NFAT5: variants seen among roughly 807,000 people sequenced by gnomAD.
NFAT5 encodes the protein nuclear factor of activated T cells 5.
In NFAT5, 31 loss-of-function variants were observed where a neutral mutation model predicts 166.5. That is an observed-to-expected ratio of 0.19 (90% CI 0.14 to 0.25). The LOEUF (loss-of-function observed/expected upper bound fraction) is 0.25. Among genes scored for constraint, NFAT5 ranks in the 10% least tolerant of loss-of-function variants. NFAT5 has a pLI of 1.00. For synonymous variants in NFAT5, 612 were observed against 639.7 expected, an observed-to-expected ratio of 0.96 and a Z score of 0.65; for missense variants, 1,449 against 1,821.8, an observed-to-expected ratio of 0.80 and a Z score of 3.72.
chr16:69,596,713 A>C (rs1048222132), intron 2 of NFAT5, among the ~76,000 whole-genome samples: 1 of 148,300 alleles, frequency 6.7e-6, no homozygotes, highest in Admixed American at 6.7e-5. Flanking sequence ...GCAAGACTCT[A>C]TCTTAAAAAA....
chr16:69,573,512 CTG>C (rs942670904), intron 2 of NFAT5, among the ~76,000 whole-genome samples: 4 of 152,172 alleles, frequency 2.6e-5, no homozygotes, highest in Non-Finnish European at 4.4e-5. Flanking sequence ...CTAATAATCT[CTG>C]TGGATCCATG....
At position 69,588,980 on chromosome 16, in the gene NFAT5, CTTTTTT is replaced by C. The variant is rs945918292; in HGVS notation, c.127+20458_127+20463del. ...GACCCTCCCTCCTCTTTTCCTACTT[CTTTTTT>C]TTTTTTTTTTTTTTTTTTTTTTTTT... On this transcript the variant is annotated intron_variant, in intron 2 of 14. Transcript: ENST00000349945. Among the ~76,000 whole-genome samples, 231 of 34,336 alleles carry C rather than the reference CTTTTTT, an allele frequency of 6.7e-3. 1 individual carries two copies. The highest frequency in any genetic ancestry group is 0.018 in the African/African-American group (211 of 11,552). The allele number at this position is 34,336 out of a possible 152,430, so 22.5% of individuals were successfully genotyped here.
At chr16:69,630,109 G>T (rs764610223) in intron 3 of NFAT5, among the ~76,000 whole-genome samples, 3 of 151,944 alleles carry the variant, frequency 2.0e-5, no homozygotes, top group African/African-American at 4.8e-5. Context: ...GCAAATTTTT[G>T]TATTTTTAGT....
intron 2 of NFAT5, among the ~76,000 whole-genome samples, chr16:69,586,708 T>C (rs2032091238): frequency 6.6e-6 from 1 of 152,160 alleles, no homozygotes; most frequent in Admixed American, 6.6e-5. Flanking sequence ...CGGCCTCGAC[T>C]GGAAAATTTT....
intron 2 of NFAT5, among the ~76,000 whole-genome samples, chr16:69,583,919 G>A (rs2031864112): frequency 6.6e-6 from 1 of 152,060 alleles, no homozygotes; most frequent in Admixed American, 6.6e-5. Flanking sequence ...CTGCAAATGG[G>A]GAACTAGGCC....
intron 11 of NFAT5, among the ~76,000 whole-genome samples, chr16:69,690,384 A>T: frequency 6.6e-6 from 1 of 152,140 alleles, no homozygotes; most frequent in Non-Finnish European, 1.5e-5. Flanking sequence ...AACTTGTCAT[A>T]TTCAAGTTTT....
At position 69,580,925 on chromosome 16, in the gene NFAT5, G is replaced by A. The variant is rs541210924; in HGVS notation, c.127+12377G>A. Among the ~76,000 whole-genome samples the A allele has an allele frequency of 2.0e-5, 3 of 152,294 alleles. No homozygotes were observed. In the South Asian group the frequency reaches 6.2e-4, roughly 32 times the overall value. On this transcript the variant is annotated intron_variant, in intron 2 of 14. Transcript: ENST00000349945. The stretch of plus-strand genomic sequence containing the variant: ...CCACCTCGGCCTCCCGGAGAGCTGG[G>A]ATTACAGGCGTGAGCTGCCGCACCC...
At chr16:69,662,693 C>T (rs2036204928) in intron 7 of NFAT5, among the ~76,000 whole-genome samples, 1 of 152,040 alleles carries the variant, frequency 6.6e-6, no homozygotes, top group South Asian at 2.1e-4. Flanking sequence ...ATCTCCTGAG[C>T]TCGTGATCTG....
At chr16:69,612,654 T>A (rs960408376) in intron 2 of NFAT5, among the ~76,000 whole-genome samples, 1 of 152,006 alleles carries the variant, frequency 6.6e-6, no homozygotes, top group African/African-American at 2.4e-5. Flanking sequence ...GAGACCAGAC[T>A]GGACAACAAA....
intron 14 of NFAT5, chr16:69,695,797 A>T (rs2151727530): frequency 6.1e-6 from 1 of 163,080 alleles, no homozygotes; most frequent in South Asian, 1.6e-4. Flanking sequence ...TCAAGTGGAA[A>T]ATTCCACACC....
chr16:69,613,141 C>A (rs1441214573), intron 2 of NFAT5, among the ~76,000 whole-genome samples: 1 of 151,884 alleles, frequency 6.6e-6, no homozygotes, highest in Admixed American at 6.6e-5. Flanking sequence ...TCCTTTTTTT[C>A]CCTCTCCCTT....
chr16:69,611,743 C>G (rs1224168481), intron 2 of NFAT5, among the ~76,000 whole-genome samples: 2 of 152,236 alleles, frequency 1.3e-5, no homozygotes, highest in African/African-American at 4.8e-5. Context: ...TCATGACTTA[C>G]TTCCTAAAAG....
chr16:69,601,335 C>A (rs1484107552), intron 2 of NFAT5, among the ~76,000 whole-genome samples: 1 of 152,094 alleles, frequency 6.6e-6, no homozygotes, highest in Non-Finnish European at 1.5e-5. Flanking sequence ...AATATAGATA[C>A]AATTTGTGAT....
intron 7 of NFAT5, among the ~76,000 whole-genome samples, chr16:69,668,187 A>C (rs753298711): frequency 6.6e-6 from 1 of 151,726 alleles, no homozygotes; most frequent in Non-Finnish European, 1.5e-5. Context: ...AGGCTGACCA[A>C]CTTGAACTCC....
chr16:69,674,241 C>CAAAAAA, intron 9 of NFAT5, among the ~76,000 whole-genome samples: 1 of 71,360 alleles, frequency 1.4e-5, no homozygotes, highest in Non-Finnish European at 2.7e-5. Context: ...GAAACTGTCT[C>CAAAAAA]AAAAAAAAAA....
At chr16:69,641,328 TA>T (rs746200577) in intron 3 of NFAT5, among the ~76,000 whole-genome samples, 81 of 151,886 alleles carry the variant, frequency 5.3e-4, no homozygotes, top group Non-Finnish European at 1.0e-3. Context: ...ATCTTTTTTT[TA>T]ATGATTATTT....
intron 3 of NFAT5, among the ~76,000 whole-genome samples, chr16:69,634,277 CAAA>C (rs745354566): frequency 0.085 from 7,234 of 84,750 alleles, 87 homozygotes; most frequent in Middle Eastern, 0.15. Context: ...TTCCGACTCA[CAAA>C]AAAAAAAAAA....
chr16:69,683,795 A>G (rs2037170475), intron 10 of NFAT5, among the ~76,000 whole-genome samples: 1 of 152,032 alleles, frequency 6.6e-6, no homozygotes, highest in South Asian at 2.1e-4. Context: ...CATCTCTACT[A>G]AAAATACAAA....
intron 2 of NFAT5, among the ~76,000 whole-genome samples, chr16:69,597,931 A>G (rs2151535833): frequency 6.6e-6 from 1 of 152,216 alleles, no homozygotes; most frequent in Non-Finnish European, 1.5e-5. Flanking sequence ...CTAAGTGAGG[A>G]TTACCCTTGC....
Sources: allele counts gnomAD v4.1 joint callset (sites outside exome capture counted in the v4.1 genomes callset), GRCh38; gene constraint gnomAD v4.1.1; transcripts MANE v1.5; gene names NCBI Gene and HGNC (gene_info 2026-07-23, HGNC 2026-07-21).